The following MAN1A2 variants were observed in gnomAD, a reference collection of about 807,000 sequenced individuals.
MAN1A2 encodes the protein mannosidase alpha class 1A member 2, also known as mannosyl-oligosaccharide 1,2-alpha-mannosidase IB.
A neutral mutation model predicts 75.7 loss-of-function variants in MAN1A2; 26 were observed. The ratio of observed to expected loss-of-function variants is 0.34; its 90% CI spans 0.25 to 0.48. The LOEUF is 0.48. Among genes scored for constraint, MAN1A2 ranks in the 20% least tolerant of loss-of-function variants. The probability of loss-of-function intolerance (pLI) is 0.99; values close to 1 mark genes in which losing one functional copy is unlikely to be tolerated. For synonymous variants in MAN1A2, 247 were observed against 264.6 expected, an observed-to-expected ratio of 0.93 and a Z score of 0.65; for missense variants, 562 against 775.5, an observed-to-expected ratio of 0.72 and a Z score of 3.27.
chr1:117,417,997 G>A (rs1416295556), intron 4 of MAN1A2, among the ~76,000 whole-genome samples: 2 of 151,994 alleles, frequency 1.3e-5, no homozygotes, highest in African/African-American at 4.8e-5. Context: ...AGGGAGCCAT[G>A]ATCATGCTAC....
rs61681259 is a variant in MAN1A2, at chr1:117,434,747, CTGTGTGTGTGTGTGTGTG to C, written c.856-7452_856-7435del. Reference sequence around the variant, plus strand: ...GTTATAGACCAGTAGTTGGTTACAGCTGTGTGTGTGTGTGTGTGTGTGTGTGTGTGTGTGTGTGTGTGT... The same window carrying C: ...GTTATAGACCAGTAGTTGGTTACAGCTGTGTGTGTGTGTGTGTGTGTGTGT... On this transcript the variant is annotated intron_variant, in intron 5 of 12. Coordinates refer to ENST00000356554, the MANE Select transcript of MAN1A2 (RefSeq NM_006699.5). Among the ~76,000 whole-genome samples the C allele has an allele frequency of 1.6e-3, 210 of 135,422 alleles. 2 individuals are homozygous for C. In the East Asian group the frequency reaches 0.025, roughly 16 times the overall value. The allele number at this position is 135,422 out of a possible 152,430, so 88.8% of individuals were successfully genotyped here.
At chr1:117,382,416 C>T (rs984079627) in intron 1 of MAN1A2, among the ~76,000 whole-genome samples, 8 of 152,174 alleles carry the variant, frequency 5.3e-5, no homozygotes, top group Non-Finnish European at 8.8e-5. Context: ...CCAGTTTACC[C>T]AGCACCATTT....
intron 8 of MAN1A2, among the ~76,000 whole-genome samples, chr1:117,482,047 G>C (rs1053321033): frequency 6.6e-6 from 1 of 151,802 alleles, no homozygotes; most frequent in Non-Finnish European, 1.5e-5. Flanking sequence ...GTGGCCTGTT[G>C]TTATATGGCC....
rs775494578 is a variant in MAN1A2, at chr1:117,523,449, A to G, written c.*492A>G. 9.3e-6 allele frequency: 3 copies of G among 321,696 alleles called. No homozygotes were observed. Among genetic ancestry groups the G allele is most frequent in the Non-Finnish European group, 1.9e-5 (3 of 161,794 alleles). The allele number at this position is 321,696 out of a possible 1,614,324, so 19.9% of individuals were successfully genotyped here. A position where few individuals can be genotyped will look rare whatever the true frequency, so the allele number is the denominator to read the frequency against. On this transcript the variant is annotated 3_prime_UTR_variant, in exon 13 of 13. Coordinates refer to ENST00000356554, the MANE Select transcript of MAN1A2 (RefSeq NM_006699.5). Reference sequence around the variant, plus strand: ...GGAATGAACTAAAATAAACAAGAACAAAAGAATAGTATAATTATATCAGTA... The same window carrying G: ...GGAATGAACTAAAATAAACAAGAACGAAAGAATAGTATAATTATATCAGTA...
chr1:117,412,678 C>T (rs1338082296), intron 3 of MAN1A2, among the ~76,000 whole-genome samples: 1 of 151,792 alleles, frequency 6.6e-6, no homozygotes. Context: ...TTTGCAATGT[C>T]ATGTTTTGCT....
At chr1:117,464,727 A>G (rs1570765445) in intron 7 of MAN1A2, among the ~76,000 whole-genome samples, 1 of 152,136 alleles carries the variant, frequency 6.6e-6, no homozygotes, top group East Asian at 1.9e-4. Context: ...GCGCCTGCGA[A>G]CTTTGGTGAG....
At chr1:117,413,153 CA>C (rs1024014346) in intron 3 of MAN1A2, among the ~76,000 whole-genome samples, 2 of 151,800 alleles carry the variant, frequency 1.3e-5, no homozygotes, top group African/African-American at 4.8e-5. Context: ...AGGAACGTAA[CA>C]ACACATAACT....
chr1:117,380,338 C>T (rs573135156), intron 1 of MAN1A2, among the ~76,000 whole-genome samples: 2 of 152,064 alleles, frequency 1.3e-5, no homozygotes, highest in Non-Finnish European at 2.9e-5. Flanking sequence ...TGGTTATGTC[C>T]TTTGCACAAA....
At chr1:117,459,148 A>T (rs1226481337) in intron 6 of MAN1A2, among the ~76,000 whole-genome samples, 2 of 152,192 alleles carry the variant, frequency 1.3e-5, no homozygotes, top group East Asian at 3.9e-4. Flanking sequence ...AATAGAGGCC[A>T]TATCTAAAGT....
At chr1:117,375,902 ATAAT>A (rs1021230157) in intron 1 of MAN1A2, among the ~76,000 whole-genome samples, 1 of 143,148 alleles carries the variant, frequency 7.0e-6, no homozygotes, top group Non-Finnish European at 1.5e-5. Flanking sequence ...TGTATTTAAG[ATAAT>A]TAATTTATGT....
intron 7 of MAN1A2, among the ~76,000 whole-genome samples, chr1:117,463,822 G>A (rs531981104): frequency 3.4e-4 from 52 of 152,180 alleles, no homozygotes; most frequent in Middle Eastern, 3.4e-3. Flanking sequence ...AAATATTGTG[G>A]AGCTAAAGAA....
intron 2 of MAN1A2, 91 bp downstream of exon 2, chr1:117,402,532 C>A: frequency 8.0e-7 from 1 of 1,244,930 alleles, no homozygotes; most frequent in Non-Finnish European, 1.1e-6. Context: ...CTGTTTTGAT[C>A]TGTTTATTCT....
At chr1:117,484,519 A>G (rs1011988547) in intron 8 of MAN1A2, among the ~76,000 whole-genome samples, 1 of 152,008 alleles carries the variant, frequency 6.6e-6, no homozygotes, top group Non-Finnish European at 1.5e-5. Context: ...ACCATGAGAA[A>G]TCGCTTTTTA....
chr1:117,473,986 G>C (rs999606006), intron 8 of MAN1A2, among the ~76,000 whole-genome samples: 7 of 151,978 alleles, frequency 4.6e-5, no homozygotes, highest in African/African-American at 1.7e-4. Flanking sequence ...TTGACAGGCA[G>C]TGTTGAGGCT....
At chr1:117,453,120 T>C (rs1026669001) in intron 6 of MAN1A2, among the ~76,000 whole-genome samples, 14 of 152,202 alleles carry the variant, frequency 9.2e-5, no homozygotes, top group African/African-American at 3.4e-4. Flanking sequence ...AAAATCTCTT[T>C]CAAAATATTA....
At chr1:117,478,858 G>T (rs1650401210) in intron 8 of MAN1A2, among the ~76,000 whole-genome samples, 1 of 151,736 alleles carries the variant, frequency 6.6e-6, no homozygotes, top group South Asian at 2.1e-4. Context: ...TTCCAAATTT[G>T]TTCTTTCTCA....
At chr1:117,445,336 G>A (rs1649176820) in intron 6 of MAN1A2, among the ~76,000 whole-genome samples, 1 of 152,102 alleles carries the variant, frequency 6.6e-6, no homozygotes, top group African/African-American at 2.4e-5. Context: ...ATTTTGGTGT[G>A]AGTTACCTGG....
chr1:117,381,853 T>C (rs1401635582), intron 1 of MAN1A2, among the ~76,000 whole-genome samples: 4 of 151,930 alleles, frequency 2.6e-5, no homozygotes, highest in African/African-American at 9.7e-5. Flanking sequence ...ACCTGTTGTT[T>C]CCTGACTTTT....
chr1:117,384,467 T>G (rs1653454234), intron 1 of MAN1A2, among the ~76,000 whole-genome samples: 1 of 152,158 alleles, frequency 6.6e-6, no homozygotes, highest in Admixed American at 6.5e-5. Flanking sequence ...AGAAGATACT[T>G]TGTATGATTT....
Sources: allele counts gnomAD v4.1 joint callset (sites outside exome capture counted in the v4.1 genomes callset), GRCh38; gene constraint gnomAD v4.1.1; transcripts MANE v1.5; gene names NCBI Gene and HGNC (gene_info 2026-07-23, HGNC 2026-07-21).